KSR2: variants seen among roughly 807,000 people sequenced by gnomAD.
KSR2 encodes the protein kinase suppressor of ras 2.
Under a neutral mutation model 107.8 loss-of-function variants are expected in KSR2, and 25 were observed. That is an observed-to-expected ratio of 0.23 (90% CI 0.17 to 0.32). The LOEUF (loss-of-function observed/expected upper bound fraction) is 0.32, where lower values mean the gene tolerates loss of function less well. Ranked by LOEUF, KSR2 falls within the 10% of genes least tolerant of loss-of-function variation. The pLI is 1.00. For synonymous variants in KSR2, 480 were observed against 507.0 expected (o/e 0.95, Z 0.71); for missense variants, 887 against 1,268.9 (o/e 0.70, Z 4.57).
chr12:117,715,409 CAAGA>C (rs1025935890), intron 4 of KSR2, among the ~76,000 whole-genome samples: 10 of 152,184 alleles, frequency 6.6e-5, no homozygotes, highest in African/African-American at 2.4e-4. Context: ...TGCCTGTGAA[CAAGA>C]AAGGTGCCCA....
chr12:117,752,142 C>G (rs146049655), intron 4 of KSR2, among the ~76,000 whole-genome samples: 2 of 152,084 alleles, frequency 1.3e-5, no homozygotes, highest in African/African-American at 2.4e-5. Flanking sequence ...AGGCCAAGCA[C>G]GAAATATGAA....
At chr12:117,685,557 A>T (rs974796499) in intron 4 of KSR2, among the ~76,000 whole-genome samples, 2 of 152,210 alleles carry the variant, frequency 1.3e-5, no homozygotes, top group Admixed American at 1.3e-4. Flanking sequence ...CCCCCAGAGA[A>T]ATGGCCAGTG....
chr12:117,645,877 G>A (rs1411314186), intron 5 of KSR2, among the ~76,000 whole-genome samples: 313 of 80,552 alleles, frequency 3.9e-3, no homozygotes, highest in African/African-American at 0.016. Context: ...GCGTGTGTGT[G>A]TGTGTGTGTG....
At chr12:117,924,215 T>A (rs1268155610) in intron 1 of KSR2, among the ~76,000 whole-genome samples, 1 of 151,368 alleles carries the variant, frequency 6.6e-6, no homozygotes. Context: ...AACTTAAAAC[T>A]GAAAAACTAA....
At chr12:117,599,879 G>T (rs1051739595) in intron 5 of KSR2, among the ~76,000 whole-genome samples, 3 of 152,178 alleles carry the variant, frequency 2.0e-5, no homozygotes, top group Non-Finnish European at 4.4e-5. Context: ...GACAACGGAA[G>T]GAGACGGGGA....
At chr12:117,915,357 A>C (rs545462239) in intron 1 of KSR2, among the ~76,000 whole-genome samples, 19 of 152,340 alleles carry the variant, frequency 1.2e-4, no homozygotes, top group African/African-American at 3.8e-4. Context: ...CTCCACCCTC[A>C]TGACCTAATC....
chr12:117,785,825 T>G (rs193177752), intron 3 of KSR2, among the ~76,000 whole-genome samples: 2 of 152,146 alleles, frequency 1.3e-5, no homozygotes, highest in South Asian at 4.1e-4. Flanking sequence ...TATCAAAAGA[T>G]CTAACATTCA....
chr12:117,738,557 G>A (rs1417447297), intron 4 of KSR2, among the ~76,000 whole-genome samples: 2 of 152,050 alleles, frequency 1.3e-5, no homozygotes, highest in Admixed American at 1.3e-4. Flanking sequence ...TATTAAAAAG[G>A]TACAGTAAAA....
chr12:117,499,780 T>C (rs1025190667), intron 14 of KSR2, among the ~76,000 whole-genome samples: 1 of 152,178 alleles, frequency 6.6e-6, no homozygotes, highest in African/African-American at 2.4e-5. Flanking sequence ...TTTTTTCTAA[T>C]AACTGTGTAG....
intron 3 of KSR2, among the ~76,000 whole-genome samples, chr12:117,815,786 C>A (rs1410335548): frequency 2.0e-5 from 3 of 151,820 alleles, no homozygotes; most frequent in Admixed American, 6.6e-5. Flanking sequence ...ACCAGCCTGG[C>A]CAACATGGTG....
rs535260498 is a variant in KSR2 at position 117,455,740 on chromosome 12, C to G, written c.*11459G>C. The G allele has an allele frequency of 6.6e-6, 1 of 152,250 alleles. No homozygotes were observed. The allele number at this position is 152,250 out of a possible 1,614,324, so 9.4% of individuals were successfully genotyped here. A position where few individuals can be genotyped will look rare whatever the true frequency, so the allele number is the denominator to read the frequency against. On this transcript the variant is annotated 3_prime_UTR_variant, in exon 20 of 20. Transcript: ENST00000339824. Reference sequence around the variant, plus strand: ...AGTGAATGGGGCTGGGGACATGAGCCTTTGAAATACAAGCAAAATTTTCTT... The same window carrying G: ...AGTGAATGGGGCTGGGGACATGAGCGTTTGAAATACAAGCAAAATTTTCTT...
At chr12:117,729,233 G>A (rs563514206) in intron 4 of KSR2, among the ~76,000 whole-genome samples, 3 of 151,816 alleles carry the variant, frequency 2.0e-5, no homozygotes, top group East Asian at 1.9e-4. Flanking sequence ...GTGCTTCTGC[G>A]TGGAATTCCC....
At chr12:117,526,800 T>G (rs1037604425) in intron 13 of KSR2, among the ~76,000 whole-genome samples, 2 of 152,232 alleles carry the variant, frequency 1.3e-5, no homozygotes, top group South Asian at 2.1e-4. Context: ...CACCCGGCCC[T>G]GAGCTGATCT....
chr12:117,581,436 G>C (rs978009989), intron 6 of KSR2, among the ~76,000 whole-genome samples: 2 of 152,224 alleles, frequency 1.3e-5, no homozygotes, highest in Admixed American at 1.3e-4. Flanking sequence ...AGGTCCTCCA[G>C]TGAGTTCACA....
chr12:117,553,020 A>G (rs974027189), intron 9 of KSR2, among the ~76,000 whole-genome samples: 9 of 152,232 alleles, frequency 5.9e-5, no homozygotes, highest in African/African-American at 2.2e-4. Flanking sequence ...GTCGTACGCC[A>G]CTAAGTTTGG....
At chr12:117,661,246 C>G (rs1426153073) in intron 5 of KSR2, among the ~76,000 whole-genome samples, 2 of 149,816 alleles carry the variant, frequency 1.3e-5, no homozygotes, top group Non-Finnish European at 3.0e-5. Flanking sequence ...AATATGTGAC[C>G]TCAGATTCGA....
intron 4 of KSR2, among the ~76,000 whole-genome samples, chr12:117,681,914 A>C (rs1327130001): frequency 6.6e-6 from 1 of 152,214 alleles, no homozygotes; most frequent in African/African-American, 2.4e-5. Flanking sequence ...AATCTCATTA[A>C]AGGGTATATA....
At chr12:117,592,121 C>CTTT (rs879610889) in intron 5 of KSR2, among the ~76,000 whole-genome samples, 1 of 142,306 alleles carries the variant, frequency 7.0e-6, no homozygotes, top group Non-Finnish European at 1.5e-5. Context: ...TTCCCCCCAA[C>CTTT]TTTTTTTTTT....
intron 5 of KSR2, among the ~76,000 whole-genome samples, chr12:117,639,282 C>T (rs920451485): frequency 6.6e-5 from 10 of 151,780 alleles, no homozygotes; most frequent in Non-Finnish European, 1.3e-4. Flanking sequence ...CACATACACA[C>T]ATATGTGTGT....
Sources: gnomAD v4.1 joint callset for allele counts (sites outside exome capture counted in the v4.1 genomes callset) on GRCh38, gnomAD v4.1.1 for gene constraint, MANE v1.5 for transcripts, NCBI Gene and HGNC (gene_info 2026-07-23, HGNC 2026-07-21) for gene names.